The following PARD6B variants were observed in gnomAD, a reference collection of about 807,000 sequenced individuals.
PARD6B encodes partitioning defective 6 homolog beta.
In PARD6B, 4 loss-of-function variants were observed where a neutral mutation model predicts 10.5. The observed-to-expected ratio is 0.38, with a 90% CI of 0.19 to 0.87. The LOEUF (loss-of-function observed/expected upper bound fraction) is 0.87, where lower values mean the gene tolerates loss of function less well. PARD6B is among the 40% of genes least tolerant of loss of function. The pLI is 0.41. For synonymous variants in PARD6B, 169 were observed against 170.4 expected, an observed-to-expected ratio of 0.99 and a Z score of 0.07; for missense variants, 396 against 470.6, an observed-to-expected ratio of 0.84 and a Z score of 1.47.
intron 1 of PARD6B, among the ~76,000 whole-genome samples, chr20:50,734,502 C>T (rs1186907887): frequency 1.3e-5 from 2 of 151,428 alleles, no homozygotes; most frequent in Non-Finnish European, 2.9e-5. Flanking sequence ...TGCACCACTA[C>T]ACCCAGCTTA....
At position 50,752,018 on chromosome 20, in the gene PARD6B, T is replaced by C. The variant is rs148559733; in HGVS notation, c.*1530T>C. On this transcript the variant is annotated 3_prime_UTR_variant, in exon 3 of 3. Transcript: ENST00000371610. ...CAGGAAGCTATCTTTTCTTGAGTTA[T>C]GAAACTTTGCAACAGTTGTTCAAAT... 128 of 985,434 alleles carry C rather than the reference T, an allele frequency of 1.3e-4. No individual in the cohort carries two copies. The highest frequency in any genetic ancestry group is 1.4e-4 in the Non-Finnish European group (118 of 829,924). The allele number at this position is 985,434 out of a possible 1,614,324, so 61.0% of individuals were successfully genotyped here. A position where few individuals can be genotyped will look rare whatever the true frequency, so the allele number is the denominator to read the frequency against.
rs1171701765 is a variant in PARD6B, at chr20:50,753,085, TTA to T, written c.*2598_*2599del. On this transcript the variant is annotated 3_prime_UTR_variant, in exon 3 of 3. Coordinates refer to ENST00000371610, the MANE Select transcript of PARD6B (RefSeq NM_032521.3). Reference sequence around the variant, plus strand: ...ACACACTACCTCTCTCTTTTTTTTTTTAAAGTTTTAACATCAGAACTTTTGGG... The same window carrying T: ...ACACACTACCTCTCTCTTTTTTTTTTAAGTTTTAACATCAGAACTTTTGGG... 3.0e-6 allele frequency: 3 copies of T among 983,996 alleles called. No individual in the cohort carries two copies. The highest frequency in any genetic ancestry group is 2.3e-4 in the East Asian group (2 of 8,834). 61.0% of individuals were successfully genotyped at this position (983,996 alleles called of 1,614,324 possible).
chr20:50,739,778 A>G (rs2087520584), intron 2 of PARD6B, among the ~76,000 whole-genome samples: 1 of 143,668 alleles, frequency 7.0e-6, no homozygotes, highest in African/African-American at 2.6e-5. Flanking sequence ...TTGGCTGTTC[A>G]GGATGAATTG....
At chr20:50,732,825 T>G (rs1342265194) in intron 1 of PARD6B, among the ~76,000 whole-genome samples, 1 of 151,922 alleles carries the variant, frequency 6.6e-6, no homozygotes, top group Non-Finnish European at 1.5e-5. Flanking sequence ...AACAGGACAC[T>G]GGCTGGGCCC....
rs11467364 is a variant in PARD6B at position 50,751,350 on chromosome 20, C to CTTTTTTTTTTTTTTTTTTTTTTTTT, written c.*885_*886insTTTTTTTTTTTTTTTTTTTTTTTTT. 1 of 578,578 alleles carries CTTTTTTTTTTTTTTTTTTTTTTTTT rather than the reference C, an allele frequency of 1.7e-6. No individual in the cohort carries two copies. Among genetic ancestry groups the CTTTTTTTTTTTTTTTTTTTTTTTTT allele is most frequent in the Non-Finnish European group, 2.0e-6 (1 of 506,694 alleles). 35.8% of individuals were successfully genotyped at this position (578,578 alleles called of 1,614,324 possible). A position where few individuals can be genotyped will look rare whatever the true frequency, so the allele number is the denominator to read the frequency against. On this transcript the variant is annotated 3_prime_UTR_variant, in exon 3 of 3. Transcript: ENST00000371610. ...ATTTCCAGTTTCTTTTCTTTTCTTT[C>CTTTTTTTTTTTTTTTTTTTTTTTTT]TTTTTTTTTTTTTTTTTTTTTTTGA...
chr20:50,735,886 C>A (rs1355221190), intron 1 of PARD6B, among the ~76,000 whole-genome samples: 1 of 152,204 alleles, frequency 6.6e-6, no homozygotes, highest in Non-Finnish European at 1.5e-5. Context: ...GTGGATGAAT[C>A]AGCAAGCACT....
intron 2 of PARD6B, among the ~76,000 whole-genome samples, chr20:50,739,929 T>C (rs1372555740): frequency 6.6e-6 from 1 of 151,992 alleles, no homozygotes; most frequent in Non-Finnish European, 1.5e-5. Context: ...TTGGGAGTCA[T>C]TGCACTCACT....
intron 2 of PARD6B, among the ~76,000 whole-genome samples, chr20:50,746,875 A>T (rs1014935885): frequency 6.6e-6 from 1 of 152,224 alleles, no homozygotes; most frequent in Non-Finnish European, 1.5e-5. Flanking sequence ...TAAAACACAA[A>T]TATGTATGAT....
Position 50,731,862 on chromosome 20 carries a change from G to T in PARD6B, c.66+10G>T. 6.9e-7 allele frequency: 1 copy of T among 1,444,488 alleles called. No homozygotes were observed. The highest frequency in any genetic ancestry group is 9.1e-7 in the Non-Finnish European group (1 of 1,102,562). 89.5% of individuals were successfully genotyped at this position (1,444,488 alleles called of 1,614,324 possible). On this transcript the variant is annotated intron_variant, in intron 1 of 2. Coordinates refer to ENST00000371610, the MANE Select transcript of PARD6B (RefSeq NM_032521.3). ...GGAGGTGAAGAGCAAGGTGCGCGGG[G>T]CCCGGGCTGGGCGGAGCGGCGGGCC...
intron 2 of PARD6B, among the ~76,000 whole-genome samples, chr20:50,739,565 T>C (rs1387544491): frequency 1.3e-5 from 2 of 152,194 alleles, no homozygotes. Flanking sequence ...CCACTGATTA[T>C]GTATCTTTGC....
At chr20:50,742,811 A>C (rs2087538081) in intron 2 of PARD6B, among the ~76,000 whole-genome samples, 1 of 152,210 alleles carries the variant, frequency 6.6e-6, no homozygotes, top group Non-Finnish European at 1.5e-5. Flanking sequence ...CTGAAGTTTA[A>C]GATAGTGTTG....
At chr20:50,744,688 ATTTC>A (rs138253724) in intron 2 of PARD6B, among the ~76,000 whole-genome samples, 71 of 124,752 alleles carry the variant, frequency 5.7e-4, no homozygotes, top group Non-Finnish European at 1.0e-3. Context: ...GCTGTATTGG[ATTTC>A]TTTGTCTGGC....
At chr20:50,742,167 C>T (rs566419653) in intron 2 of PARD6B, among the ~76,000 whole-genome samples, 2 of 152,230 alleles carry the variant, frequency 1.3e-5, no homozygotes, top group Non-Finnish European at 2.9e-5. Context: ...CCTCAGCTTC[C>T]AGAGTGGCTG....
chr20:50,743,691 A>C (rs1040915761), intron 2 of PARD6B, among the ~76,000 whole-genome samples: 4 of 152,092 alleles, frequency 2.6e-5, no homozygotes, highest in Non-Finnish European at 5.9e-5. Flanking sequence ...GATCGAGACC[A>C]TCCTGGCTAG....
intron 2 of PARD6B, among the ~76,000 whole-genome samples, chr20:50,744,180 T>C (rs1419416666): frequency 7.1e-6 from 1 of 141,118 alleles, no homozygotes; most frequent in East Asian, 2.4e-4. Context: ...AATGGCGTGA[T>C]CTCGTCTCAC....
rs189017935 is a variant in PARD6B, at chr20:50,751,595, C to G, written c.*1107C>G. 40 of 975,028 alleles carry G rather than the reference C, an allele frequency of 4.1e-5. No individual in the cohort carries two copies. The East Asian group carries it at 4.2e-3, about 103-fold the overall frequency. 60.4% of individuals were successfully genotyped at this position (975,028 alleles called of 1,614,324 possible). A position where few individuals can be genotyped will look rare whatever the true frequency, so the allele number is the denominator to read the frequency against. ...TCTCCTGACCTCCTGATCCGCCCGC[C>G]TCGGCCTCCCAAAGTGCTGGGATTA... On this transcript the variant is annotated 3_prime_UTR_variant, in exon 3 of 3. Coordinates refer to ENST00000371610, the MANE Select transcript of PARD6B (RefSeq NM_032521.3).
chr20:50,747,059 CA>C (rs956871625), intron 2 of PARD6B, among the ~76,000 whole-genome samples: 14 of 151,776 alleles, frequency 9.2e-5, no homozygotes, highest in African/African-American at 2.9e-4. Context: ...AAAAAAATGC[CA>C]AAAAAATAAG....
At chr20:50,745,397 G>A (rs1489911018) in intron 2 of PARD6B, among the ~76,000 whole-genome samples, 1 of 145,480 alleles carries the variant, frequency 6.9e-6, no homozygotes, top group Non-Finnish European at 1.5e-5. Flanking sequence ...GCACTCTAGA[G>A]CGAAACTCCG....
At position 50,752,187 on chromosome 20, in the gene PARD6B, A is replaced by G; in HGVS notation, c.*1699A>G. ...TATTCTTGTTCCCATTCCCAGTCTCATTTGAAATCATTCCTTTTATTGTTA... is the reference window on the plus strand; with the variant it reads ...TATTCTTGTTCCCATTCCCAGTCTCGTTTGAAATCATTCCTTTTATTGTTA... On this transcript the variant is annotated 3_prime_UTR_variant, in exon 3 of 3. Transcript: ENST00000371610. 1 of 985,654 alleles carries G rather than the reference A, an allele frequency of 1.0e-6. No individual in the cohort carries two copies. The highest frequency in any genetic ancestry group is 4.7e-5 in the South Asian group (1 of 21,288). The allele number at this position is 985,654 out of a possible 1,614,324, so 61.1% of individuals were successfully genotyped here.
Sources: gnomAD v4.1 joint callset for allele counts (sites outside exome capture counted in the v4.1 genomes callset) on GRCh38, gnomAD v4.1.1 for gene constraint, MANE v1.5 for transcripts, NCBI Gene and HGNC (gene_info 2026-07-23, HGNC 2026-07-21) for gene names.